The following OAS1 variants were observed in gnomAD, a reference collection of about 807,000 sequenced individuals.
OAS1 encodes 2'-5'-oligoadenylate synthase 1.
Under a neutral mutation model 38.5 loss-of-function variants are expected in OAS1, and 24 were observed. That is an observed-to-expected ratio of 0.62 (90% CI 0.45 to 0.88). The LOEUF (loss-of-function observed/expected upper bound fraction) is 0.88, where lower values mean the gene tolerates loss of function less well. Among genes scored for constraint, OAS1 ranks in the 40% least tolerant of loss-of-function variants. The pLI is 0.00. For synonymous variants in OAS1, 169 were observed against 193.9 expected, an observed-to-expected ratio of 0.87 and a Z score of 1.07; for missense variants, 482 against 493.9, an observed-to-expected ratio of 0.98 and a Z score of 0.23.
At chr12:112,930,827 G>A (rs1170444363) in intron 6 of OAS1, among the ~76,000 whole-genome samples, 1 of 152,242 alleles carries the variant, frequency 6.6e-6, no homozygotes, top group Non-Finnish European at 1.5e-5. Context: ...CCCTGGGGGT[G>A]TCCCACACCC....
intron 6 of OAS1, among the ~76,000 whole-genome samples, chr12:112,929,188 C>T (rs907846812): frequency 2.0e-5 from 3 of 152,192 alleles, no homozygotes; most frequent in African/African-American, 7.2e-5. Context: ...CCATCCTGCC[C>T]CCATCAGGCA....
intron 2 of OAS1, among the ~76,000 whole-genome samples, chr12:112,910,832 T>C (rs1413249295): frequency 3.9e-5 from 6 of 152,104 alleles, no homozygotes; most frequent in African/African-American, 9.7e-5. Context: ...GTAAAGAGGT[T>C]GCTGCCATAG....
chr12:112,922,551 G>A (rs180866380), downstream of OAS1, among the ~76,000 whole-genome samples: 3 of 152,094 alleles, frequency 2.0e-5, no homozygotes, highest in African/African-American at 7.2e-5. Context: ...AGTCCTGCCT[G>A]CCCTATTGCC....
chr12:112,923,257 T>C (rs1200030064), downstream of OAS1, among the ~76,000 whole-genome samples: 1 of 152,254 alleles, frequency 6.6e-6, no homozygotes, highest in East Asian at 1.9e-4. Context: ...GTGGGATTGC[T>C]GGAACATATC....
At chr12:112,924,915 G>C (rs1385779905) in intron 6 of OAS1, among the ~76,000 whole-genome samples, 1 of 152,116 alleles carries the variant, frequency 6.6e-6, no homozygotes, top group East Asian at 1.9e-4. Context: ...GCTGGTTCAA[G>C]GACAAATTCA....
chr12:112,911,972 C>G (rs1201138788), intron 3 of OAS1, among the ~76,000 whole-genome samples: 1 of 152,114 alleles, frequency 6.6e-6, no homozygotes, highest in Non-Finnish European at 1.5e-5. Flanking sequence ...CATTTTACAC[C>G]AAGAGAAACT....
At position 112,919,552 on chromosome 12, in the gene OAS1, G is replaced by A; in HGVS notation, c.1202G>A (p.Ter401=). The A allele has an allele frequency of 1.2e-6, 2 of 1,614,212 alleles. No homozygotes were observed. Among genetic ancestry groups the A allele is most frequent in the Non-Finnish European group, 1.7e-6 (2 of 1,180,030 alleles). Residue 401 remains the stop codon, a stop_retained_variant, in exon 6 of 6, where the codon TGA becomes TAA. Transcript: ENST00000202917. ...GAGGACTGGACCTGCACCATCCTCT[G>A]AATGCCAGTGCATCTTGGGGGAAAG... The part of the protein sequence containing the change: ...AEEDWTCTIL[*]
intron 1 of OAS1, 93 bp from the exon 2 acceptor site, chr12:112,908,443 A>G: frequency 8.4e-7 from 1 of 1,185,250 alleles, no homozygotes; most frequent in Admixed American, 2.4e-5. Context: ...AACAGTGGCT[A>G]GTGCTCCATA....
In OAS1 at chr12:112,919,453, T is replaced by C. The variant is rs2043510442; in HGVS notation, c.1103T>C (p.Ile368Thr). 1.2e-6 allele frequency: 2 copies of C among 1,614,162 alleles called. No homozygotes were observed. Among genetic ancestry groups the C allele is most frequent in the East Asian group, 2.2e-5 (1 of 44,884 alleles). Reference sequence around the variant, plus strand: ...AGGAGGTATCAGAAATATGGTTACATTGGAACACATGAGTACCCTCATTTC... The same window carrying C: ...AGGAGGTATCAGAAATATGGTTACACTGGAACACATGAGTACCCTCATTTC... The part of the protein sequence containing the change: ...DPRRYQKYGY[I>T]GTHEYPHFSH... Residue 368 changes from isoleucine to threonine, a missense_variant, in exon 6 of 6, where the codon ATT becomes ACT. Physicochemically the swap from Ile to Thr is moderately conservative, Grantham distance 89. Transcript: ENST00000202917.
In OAS1 at chr12:112,919,808, G is replaced by A. The variant is rs1441319334; in HGVS notation, c.*255G>A. 6 of 1,376,068 alleles carry A rather than the reference G, an allele frequency of 4.4e-6. No individual in the cohort carries two copies. In the African/African-American group the frequency reaches 8.8e-5, roughly 20 times the overall value. 85.2% of individuals were successfully genotyped at this position (1,376,068 alleles called of 1,614,324 possible). On this transcript the variant is annotated 3_prime_UTR_variant, in exon 6 of 6. Transcript: ENST00000202917. Reference sequence around the variant, plus strand: ...AGAGAGAACAGAGAGATTTAGATAAGAGAATGAAATTCCAGCCTTGACTTT... The same window carrying A: ...AGAGAGAACAGAGAGATTTAGATAAAAGAATGAAATTCCAGCCTTGACTTT...
At chr12:112,930,417 G>A (rs1355753363) in intron 6 of OAS1, among the ~76,000 whole-genome samples, 2 of 152,224 alleles carry the variant, frequency 1.3e-5, no homozygotes, top group Non-Finnish European at 2.9e-5. Context: ...GACAGATGTG[G>A]GATTTGAACC....
chr12:112,926,451 A>G (rs2043558423), intron 6 of OAS1, among the ~76,000 whole-genome samples: 1 of 152,180 alleles, frequency 6.6e-6, no homozygotes, highest in Admixed American at 6.5e-5. Flanking sequence ...GAAAGAGTAC[A>G]AAAGAGATAA....
intron 2 of OAS1, among the ~76,000 whole-genome samples, chr12:112,910,416 G>A (rs886795294): frequency 6.6e-6 from 1 of 152,058 alleles, no homozygotes; most frequent in African/African-American, 2.4e-5. Flanking sequence ...AAAAAGAAAA[G>A]AAAAGAAAAC....
At chr12:112,927,461 G>A (rs1433344586) in intron 6 of OAS1, among the ~76,000 whole-genome samples, 2 of 152,106 alleles carry the variant, frequency 1.3e-5, no homozygotes, top group African/African-American at 4.8e-5. Context: ...TCAGCCATGT[G>A]ACTCCCAGAA....
intron 5 of OAS1, chr12:112,918,916 T>G: frequency 3.9e-6 from 1 of 255,384 alleles, no homozygotes. Flanking sequence ...TGGAATTTAG[T>G]ATGCAGGATG....
At chr12:112,921,971 G>T (rs2043532385), downstream of OAS1, among the ~76,000 whole-genome samples, 1 of 152,070 alleles carries the variant, frequency 6.6e-6, no homozygotes, top group Non-Finnish European at 1.5e-5. Flanking sequence ...CACCAGGTCG[G>T]TCCATAGACA....
chr12:112,911,573 G>T (rs116104371), intron 3 of OAS1, among the ~76,000 whole-genome samples: 1 of 152,188 alleles, frequency 6.6e-6, no homozygotes, highest in Admixed American at 6.5e-5. Context: ...CACACACACA[G>T]AGAGAGAGTC....
At chr12:112,931,473 G>A (rs1429904476) in intron 6 of OAS1, among the ~76,000 whole-genome samples, 2 of 152,198 alleles carry the variant, frequency 1.3e-5, no homozygotes, top group Non-Finnish European at 2.9e-5. Flanking sequence ...GGATTTGTAC[G>A]AAGATTAAAT....
At chr12:112,922,443 C>T (rs1361475087), downstream of OAS1, among the ~76,000 whole-genome samples, 3 of 152,184 alleles carry the variant, frequency 2.0e-5, no homozygotes, top group South Asian at 6.2e-4. Flanking sequence ...TTGTGTTAAC[C>T]AGGTCCCTAA....
Sources: allele counts gnomAD v4.1 joint callset (sites outside exome capture counted in the v4.1 genomes callset), GRCh38; gene constraint gnomAD v4.1.1; transcripts MANE v1.5; gene names NCBI Gene and HGNC (gene_info 2026-07-23, HGNC 2026-07-21).